SCAMP1: variants seen among roughly 807,000 people sequenced by gnomAD.
SCAMP1 encodes secretory carrier membrane protein 1, also known as secretory carrier-associated membrane protein 1.
Under a neutral mutation model 41.8 loss-of-function variants are expected in SCAMP1, and 15 were observed. The ratio of observed to expected loss-of-function variants is 0.36; its 90% CI spans 0.24 to 0.55. The LOEUF is 0.55. Among genes scored for constraint, SCAMP1 ranks in the 20% least tolerant of loss-of-function variants. SCAMP1 has a pLI of 0.86. For synonymous variants in SCAMP1, 135 were observed against 136.8 expected (o/e 0.99, Z 0.09); for missense variants, 341 against 412.6 (o/e 0.83, Z 1.50).
At chr5:78,393,686 C>T (rs561691081) in intron 2 of SCAMP1, among the ~76,000 whole-genome samples, 1 of 152,252 alleles carries the variant, frequency 6.6e-6, no homozygotes, top group Middle Eastern at 3.4e-3. Flanking sequence ...ATTCAAAATG[C>T]ATTTTTCTAC....
intron 8 of SCAMP1, among the ~76,000 whole-genome samples, chr5:78,472,005 A>G (rs2112255273): frequency 6.6e-6 from 1 of 152,218 alleles, no homozygotes; most frequent in South Asian, 2.1e-4. Flanking sequence ...CAGTTCTCAT[A>G]AGTAGAAAAG....
chr5:78,415,647 T>C (rs1313802724), intron 3 of SCAMP1, 29 bp downstream of exon 3: 18 of 1,297,960 alleles, frequency 1.4e-5, no homozygotes, highest in Middle Eastern at 3.7e-4. Flanking sequence ...TATAAATTCA[T>C]ATTGGCCATT....
At chr5:78,470,611 G>T (rs558046735) in intron 8 of SCAMP1, among the ~76,000 whole-genome samples, 1 of 152,066 alleles carries the variant, frequency 6.6e-6, no homozygotes, top group African/African-American at 2.4e-5. Context: ...TAGTGCTGCC[G>T]TGAACATTGG....
At chr5:78,421,217 G>A (rs1561268996) in intron 5 of SCAMP1, among the ~76,000 whole-genome samples, 1 of 152,218 alleles carries the variant, frequency 6.6e-6, no homozygotes, top group Non-Finnish European at 1.5e-5. Flanking sequence ...ATCATGTTGT[G>A]TGGGGGAGTG....
At chr5:78,391,307 C>T (rs1404267709) in intron 2 of SCAMP1, among the ~76,000 whole-genome samples, 6 of 148,098 alleles carry the variant, frequency 4.1e-5, no homozygotes, top group Non-Finnish European at 6.0e-5. Context: ...CCCTCCCGGA[C>T]GGGGCGGCTG....
intron 2 of SCAMP1, among the ~76,000 whole-genome samples, chr5:78,391,679 G>A (rs889776712): frequency 1.3e-5 from 2 of 152,130 alleles, no homozygotes; most frequent in Non-Finnish European, 2.9e-5. Flanking sequence ...AGGTTGTAGC[G>A]AGCCGAGATC....
At chr5:78,400,174 A>G (rs1010092211) in intron 2 of SCAMP1, among the ~76,000 whole-genome samples, 6 of 152,166 alleles carry the variant, frequency 3.9e-5, no homozygotes, top group African/African-American at 1.4e-4. Flanking sequence ...AGATCAGTTG[A>G]CTGTAGTTAT....
intron 6 of SCAMP1, among the ~76,000 whole-genome samples, chr5:78,424,061 C>G (rs1053132412): frequency 6.6e-6 from 1 of 152,246 alleles, no homozygotes; most frequent in South Asian, 2.1e-4. Flanking sequence ...TCAGGCTGGT[C>G]TCGAACTGCT....
At chr5:78,376,036 C>T (rs551597148) in intron 1 of SCAMP1, among the ~76,000 whole-genome samples, 1 of 152,272 alleles carries the variant, frequency 6.6e-6, no homozygotes, top group South Asian at 2.1e-4. Context: ...GGGACCCCGA[C>T]TGTTCATACA....
intron 1 of SCAMP1, among the ~76,000 whole-genome samples, chr5:78,385,873 T>G (rs1751329081): frequency 6.6e-6 from 1 of 152,186 alleles, no homozygotes; most frequent in African/African-American, 2.4e-5. Flanking sequence ...TGATGTGGTC[T>G]ATCTTGGGGA....
chr5:78,385,483 T>C lies in SCAMP1; in HGVS notation c.58-3354T>C, dbSNP rs528444102. ...ATCTTGGTTACTTCTTTTCTTCTTC[T>C]GGGTTTGGGTTTGGTTTGTTCTTGT... On this transcript the variant is annotated intron_variant, in intron 1 of 8. Transcript: ENST00000621999. Among the ~76,000 whole-genome samples the C allele has an allele frequency of 4.6e-5, 7 of 152,246 alleles. No individual in the cohort carries two copies. The East Asian group carries it at 1.3e-3, about 29-fold the overall frequency.
chr5:78,443,898 C>T (rs1752990898), intron 6 of SCAMP1, among the ~76,000 whole-genome samples: 1 of 151,954 alleles, frequency 6.6e-6, no homozygotes, highest in Non-Finnish European at 1.5e-5. Context: ...CTCAAGCGAA[C>T]CTCCCACCTT....
chr5:78,458,211 G>A (rs59888592), intron 7 of SCAMP1, among the ~76,000 whole-genome samples: 4,330 of 152,114 alleles, frequency 0.028, 224 homozygotes, highest in African/African-American at 0.097. Flanking sequence ...GCTCCTCTCC[G>A]CATGTTTAGT....
At chr5:78,403,477 C>T (rs2112113726) in intron 2 of SCAMP1, among the ~76,000 whole-genome samples, 1 of 117,732 alleles carries the variant, frequency 8.5e-6, no homozygotes, top group East Asian at 2.0e-4. Context: ...TATTTTGAAC[C>T]AACTGTTTTC....
intron 6 of SCAMP1, among the ~76,000 whole-genome samples, chr5:78,431,179 T>G (rs6453389): frequency 0.76 from 115,556 of 151,822 alleles, 44,593 homozygotes; most frequent in African/African-American, 0.84. Context: ...TTTAAAACTC[T>G]AAAATTAACA....
intron 8 of SCAMP1, among the ~76,000 whole-genome samples, chr5:78,474,282 G>C (rs747225613): frequency 5.9e-5 from 9 of 151,980 alleles, no homozygotes; most frequent in South Asian, 2.1e-4. Flanking sequence ...AAGAATTTTG[G>C]GGGGAACACA....
intron 1 of SCAMP1, among the ~76,000 whole-genome samples, chr5:78,365,602 T>C (rs1750776132): frequency 6.6e-6 from 1 of 152,006 alleles, no homozygotes; most frequent in African/African-American, 2.4e-5. Context: ...CTGATCATAG[T>C]CAAGGAATCA....
At chr5:78,442,501 T>C (rs1381029300) in intron 6 of SCAMP1, among the ~76,000 whole-genome samples, 1 of 152,106 alleles carries the variant, frequency 6.6e-6, no homozygotes, top group African/African-American at 2.4e-5. Flanking sequence ...TCAGGTGATC[T>C]GCCTCCCTCT....
At chr5:78,373,241 T>C (rs550100724) in intron 1 of SCAMP1, among the ~76,000 whole-genome samples, 6 of 152,176 alleles carry the variant, frequency 3.9e-5, no homozygotes, top group Non-Finnish European at 7.4e-5. Context: ...AACTGAACTC[T>C]AAGTGGTGGT....
Sources: gnomAD v4.1 joint callset for allele counts (sites outside exome capture counted in the v4.1 genomes callset) on GRCh38, gnomAD v4.1.1 for gene constraint, MANE v1.5 for transcripts, NCBI Gene and HGNC (gene_info 2026-07-23, HGNC 2026-07-21) for gene names.